The following DNMT1 variants were observed in gnomAD, a reference collection of about 807,000 sequenced individuals.
DNMT1 encodes DNA methyltransferase 1, also known as DNA (cytosine-5)-methyltransferase 1.
In DNMT1, 24 loss-of-function variants were observed where a neutral mutation model predicts 205.3. The observed-to-expected ratio is 0.12, with a 90% CI of 0.08 to 0.16. The LOEUF (loss-of-function observed/expected upper bound fraction) is 0.16, where lower values mean the gene tolerates loss of function less well. Among genes scored for constraint, DNMT1 ranks in the 10% least tolerant of loss-of-function variants. The probability of loss-of-function intolerance (pLI) is 1.00; values close to 1 mark genes in which losing one functional copy is unlikely to be tolerated. For synonymous variants in DNMT1, 817 were observed against 839.8 expected, an observed-to-expected ratio of 0.97 and a Z score of 0.47; for missense variants, 1,293 against 2,177.7, an observed-to-expected ratio of 0.59 and a Z score of 8.09.
rs1024381461 is a variant in DNMT1, at chr19:10,159,385, T to C, written c.1280+273A>G. On this transcript the variant is annotated intron_variant, in intron 17 of 40. Coordinates refer to ENST00000359526, the MANE Select transcript of DNMT1 (RefSeq NM_001130823.3). The surrounding 1 kb of genome is among the most constrained non-coding windows in gnomAD (Gnocchi z 5.0). ...CGCGTACCACCACACCTGGCTACTTTTTGTATTTTCGGTAGGTTTCGCCAT... is the reference window on the plus strand; with the variant it reads ...CGCGTACCACCACACCTGGCTACTTCTTGTATTTTCGGTAGGTTTCGCCAT... 9.2e-5 allele frequency among the ~76,000 whole-genome samples: 14 copies of C among 152,100 alleles called. No individual in the cohort carries two copies. Among genetic ancestry groups the C allele is most frequent in the Non-Finnish European group, 1.6e-4 (11 of 68,028 alleles).
At chr19:10,176,106 T>C (rs1026492236) in intron 6 of DNMT1, among the ~76,000 whole-genome samples, 1 of 151,456 alleles carries the variant, frequency 6.6e-6, no homozygotes, top group Non-Finnish European at 1.5e-5. Context: ...AGGTGGAGGT[T>C]GCAGTGAGCC....
intron 13 of DNMT1, 44 bp downstream of exon 13, chr19:10,162,623 A>AGC: frequency 2.2e-6 from 2 of 928,500 alleles, no homozygotes; most frequent in Non-Finnish European, 2.9e-6. Flanking sequence ...TCTTGGGGAA[A>AGC]AAAAAAAAAA....
chr19:10,134,682 C>T (rs1045154222), intron 39 of DNMT1, among the ~76,000 whole-genome samples: 14 of 151,848 alleles, frequency 9.2e-5, no homozygotes, highest in Non-Finnish European at 1.9e-4. Flanking sequence ...GGTGAAACCC[C>T]GTCTCTACTA....
intron 27 of DNMT1, among the ~76,000 whole-genome samples, chr19:10,148,142 A>G (rs1165098587): frequency 6.8e-6 from 1 of 147,770 alleles, no homozygotes; most frequent in Non-Finnish European, 1.5e-5. Context: ...AAAAAAATTA[A>G]AAAAATAATA....
At chr19:10,180,729 C>G (rs373977471) in intron 3 of DNMT1, 49 bp downstream of exon 3, 2 of 1,580,440 alleles carry the variant, frequency 1.3e-6, no homozygotes, top group Non-Finnish European at 1.7e-6. Context: ...AGACAAGTTA[C>G]TAGGAGGAGA....
At chr19:10,182,966 T>C (rs1030871795) in intron 1 of DNMT1, among the ~76,000 whole-genome samples, 2 of 150,790 alleles carry the variant, frequency 1.3e-5, no homozygotes, top group Admixed American at 1.3e-4. Context: ...ATGTCTGGCA[T>C]GCATATATAT....
In DNMT1 at chr19:10,140,006, C is replaced by G. The variant is rs760053276; in HGVS notation, c.3806+40G>C. On this transcript the variant is annotated intron_variant, in intron 33 of 40. Coordinates refer to ENST00000359526, the MANE Select transcript of DNMT1 (RefSeq NM_001130823.3). The surrounding 1 kb of genome is among the most constrained non-coding windows in gnomAD (Gnocchi z 8.4). ...CCACTGCTGACATGCGGCACAGCCC[C>G]GGGCCGTCTGGCAACACTGGGGGGC... The G allele has an allele frequency of 2.5e-6, 4 of 1,602,460 alleles. No individual in the cohort carries two copies. The highest frequency in any genetic ancestry group is 1.7e-6 in the Non-Finnish European group (2 of 1,179,972).
intron 27 of DNMT1, among the ~76,000 whole-genome samples, chr19:10,147,263 G>GATAAATAA (rs36026709): frequency 4.1e-5 from 6 of 146,694 alleles, no homozygotes; most frequent in East Asian, 2.1e-4. Flanking sequence ...CCCTGTCTCA[G>GATAAATAA]ATAAATAAAT....
At chr19:10,168,402 A>G (rs1397111792) in intron 9 of DNMT1, 38 bp from the exon 10 acceptor site, 1 of 1,609,376 alleles carries the variant, frequency 6.2e-7, no homozygotes, top group Admixed American at 1.7e-5. Flanking sequence ...AATTTTTTCC[A>G]TTTGGTTTGG....
chr19:10,165,799 G>T (rs1212155143), intron 11 of DNMT1, among the ~76,000 whole-genome samples: 1 of 152,218 alleles, frequency 6.6e-6, no homozygotes, highest in Non-Finnish European at 1.5e-5. Context: ...CAGTCTGAAG[G>T]AGTGCTGACA....
chr19:10,171,742 T>C (rs1039870326), intron 9 of DNMT1, among the ~76,000 whole-genome samples: 43 of 151,730 alleles, frequency 2.8e-4, no homozygotes, highest in Admixed American at 2.0e-4. Context: ...GAGGTGGAGC[T>C]TGCAGTGAGC....
chr19:10,177,963 G>GA (rs1008766989), intron 5 of DNMT1, among the ~76,000 whole-genome samples: 4 of 149,822 alleles, frequency 2.7e-5, no homozygotes, highest in Admixed American at 2.0e-4. Context: ...AAGAAAGAAA[G>GA]AAAAAAAAGA....
chr19:10,171,809 A>T (rs1425392484), intron 9 of DNMT1, among the ~76,000 whole-genome samples: 1 of 37,834 alleles, frequency 2.6e-5, no homozygotes, highest in Non-Finnish European at 6.7e-5. Flanking sequence ...CGTCTCAAAT[A>T]AATAAATAAA....
At chr19:10,136,835 T>C (rs537956815) in intron 37 of DNMT1, among the ~76,000 whole-genome samples, 100 of 152,044 alleles carry the variant, frequency 6.6e-4, no homozygotes, top group African/African-American at 2.1e-3. Context: ...CACAGCTCAC[T>C]GTAGCCTCCT....
intron 14 of DNMT1, 98 bp downstream of exon 14, chr19:10,160,286 G>A (rs1026520995): frequency 5.1e-6 from 8 of 1,579,210 alleles, no homozygotes; most frequent in Non-Finnish European, 6.1e-6. Context: ...TGAGCCTAAG[G>A]TTGCTCTGGC....
At chr19:10,150,352 C>G (rs553078336) in intron 24 of DNMT1, among the ~76,000 whole-genome samples, 13 of 152,338 alleles carry the variant, frequency 8.5e-5, no homozygotes, top group Non-Finnish European at 1.3e-4. Flanking sequence ...CAGGGGCCTC[C>G]TTCCTTTTCT....
chr19:10,170,142 G>A (rs1251227661), intron 9 of DNMT1, among the ~76,000 whole-genome samples: 7 of 151,462 alleles, frequency 4.6e-5, no homozygotes, highest in Admixed American at 1.3e-4. Context: ...AAAATTAGGC[G>A]GACGGGGTGG....
At chr19:10,141,533 G>T in intron 30 of DNMT1, 1 of 378,036 alleles carries the variant, frequency 2.6e-6, no homozygotes, top group Non-Finnish European at 5.0e-6. Flanking sequence ...GTAACAACAC[G>T]GAAAGGCCAA....
chr19:10,149,358 T>C, intron 26 of DNMT1, 95 bp downstream of exon 26: 4 of 1,420,716 alleles, frequency 2.8e-6, no homozygotes, highest in Non-Finnish European at 3.8e-6. Flanking sequence ...AAAAACCAAA[T>C]TAAAAAAAAA....
Sources: allele counts gnomAD v4.1 joint callset (sites outside exome capture counted in the v4.1 genomes callset), GRCh38; gene constraint gnomAD v4.1.1; non-coding constraint Gnocchi (gnomAD v3.1); transcripts MANE v1.5; gene names NCBI Gene and HGNC (gene_info 2026-07-23, HGNC 2026-07-21).